SLC38A8: variants seen among roughly 807,000 people sequenced by gnomAD.
The protein encoded by SLC38A8 is solute carrier family 38 member 8.
In SLC38A8, 65 loss-of-function variants were observed where a neutral mutation model predicts 46.0. The observed-to-expected ratio is 1.41, with a 90% CI of 1.16 to 1.74. SLC38A8 has a LOEUF of 1.74. SLC38A8 is among the 40% of genes most tolerant of loss of function. SLC38A8 has a pLI of 0.00. For synonymous variants in SLC38A8, 447 were observed against 243.7 expected (o/e 1.83, Z -7.77); for missense variants, 998 against 567.9 (o/e 1.76, Z -7.70).
intron 9 of SLC38A8, among the ~76,000 whole-genome samples, 166 bp downstream of exon 9, chr16:84,016,353 C>T (rs1194772131): frequency 6.6e-6 from 1 of 152,274 alleles, no homozygotes; most frequent in South Asian, 2.1e-4. Flanking sequence ...GTATGTAAAG[C>T]CCAAGCCTGT....
At chr16:84,014,949 GC>G (rs2085007598) in intron 9 of SLC38A8, among the ~76,000 whole-genome samples, 1 of 151,964 alleles carries the variant, frequency 6.6e-6, no homozygotes, top group Admixed American at 6.6e-5. Flanking sequence ...TTCGTTTCAT[GC>G]CCCCATTCGA....
intron 6 of SLC38A8, among the ~76,000 whole-genome samples, chr16:84,025,793 G>C (rs1462776094): frequency 2.4e-4 from 36 of 152,230 alleles, no homozygotes; most frequent in Admixed American, 2.4e-3. Context: ...CCTCCCTCCG[G>C]CTTCCAGCCC....
At chr16:84,041,840 T>G in intron 2 of SLC38A8, 129 bp downstream of exon 2, 5 of 814,232 alleles carry the variant, frequency 6.1e-6, no homozygotes, top group Non-Finnish European at 9.6e-6. Context: ...CTGAGCGGGA[T>G]AGAAAATAAA....
intron 2 of SLC38A8, among the ~76,000 whole-genome samples, chr16:84,040,476 G>A (rs1407392413): frequency 6.6e-6 from 1 of 152,222 alleles, no homozygotes. Flanking sequence ...AGATCTGTGT[G>A]AAATGCCTGC....
chr16:84,040,343 T>C (rs182621988), intron 2 of SLC38A8, among the ~76,000 whole-genome samples: 2 of 152,220 alleles, frequency 1.3e-5, no homozygotes, highest in Non-Finnish European at 2.9e-5. Context: ...TCCTCAAGTC[T>C]GCTGAGTGAA....
chr16:84,025,326 T>C (rs1350027010), intron 6 of SLC38A8, among the ~76,000 whole-genome samples: 1 of 152,118 alleles, frequency 6.6e-6, no homozygotes, highest in Non-Finnish European at 1.5e-5. Context: ...CAGCTAGGTC[T>C]TCCCTCCGCG....
chr16:84,034,241 A>T (rs2085277708), intron 3 of SLC38A8, among the ~76,000 whole-genome samples: 1 of 152,272 alleles, frequency 6.6e-6, no homozygotes, highest in Admixed American at 6.5e-5. Flanking sequence ...CTTAAAGGCC[A>T]GACCCAGAAT....
At chr16:84,033,574 G>T in intron 3 of SLC38A8, 105 bp from the exon 4 acceptor site, 1 of 1,338,704 alleles carries the variant, frequency 7.5e-7, no homozygotes, top group Non-Finnish European at 1.0e-6. Flanking sequence ...TCCACCCTCA[G>T]CCAGCCCCAG....
chr16:84,035,134 T>G (rs1250051999), intron 3 of SLC38A8, among the ~76,000 whole-genome samples: 1 of 152,202 alleles, frequency 6.6e-6, no homozygotes, highest in Non-Finnish European at 1.5e-5. Flanking sequence ...CTCTGACTAG[T>G]CAGGGGGCTC....
At chr16:84,042,479 C>A (rs573613154) in intron 1 of SLC38A8, 72 bp downstream of exon 1, 5 of 240,856 alleles carry the variant, frequency 2.1e-5, no homozygotes, top group East Asian at 8.9e-5. Context: ...CCTCTCTCCC[C>A]CCATTCCCAT....
At chr16:84,039,426 A>G (rs2085342340) in intron 2 of SLC38A8, among the ~76,000 whole-genome samples, 1 of 152,170 alleles carries the variant, frequency 6.6e-6, no homozygotes, top group African/African-American at 2.4e-5. Context: ...TGACAAATGC[A>G]GACACTCATA....
chr16:84,042,412 A>C (rs2085378119), intron 1 of SLC38A8, among the ~76,000 whole-genome samples, 139 bp downstream of exon 1: 2 of 147,814 alleles, frequency 1.4e-5, no homozygotes, highest in South Asian at 2.2e-4. Flanking sequence ...AGGCAACCTC[A>C]CCCCTTCCCC....
chr16:84,012,297 T>TG (rs1370881207), intron 10 of SLC38A8, among the ~76,000 whole-genome samples: 3 of 152,168 alleles, frequency 2.0e-5, no homozygotes, highest in African/African-American at 7.2e-5. Flanking sequence ...TCCTCTTCCG[T>TG]GGGTCAGACT....
intron 10 of SLC38A8, among the ~76,000 whole-genome samples, chr16:84,011,117 C>T (rs756165473): frequency 5.9e-5 from 9 of 152,232 alleles, no homozygotes; most frequent in Non-Finnish European, 8.8e-5. Context: ...CATCTCAGCA[C>T]GGCTGTTCAG....
chr16:84,034,799 G>A (rs530766075), intron 3 of SLC38A8, among the ~76,000 whole-genome samples: 7 of 152,104 alleles, frequency 4.6e-5, no homozygotes, highest in South Asian at 2.1e-4. Flanking sequence ...TAGACCTCCA[G>A]GTGGCGTGGG....
At position 84,033,426 on chromosome 16, in the gene SLC38A8, C is replaced by T. The variant is rs758588764; in HGVS notation, c.432G>A (p.Pro144=). 2.0e-5 allele frequency: 32 copies of T among 1,612,280 alleles called. No homozygotes were observed. Among genetic ancestry groups the T allele is most frequent in the African/African-American group, 9.3e-5 (7 of 74,882 alleles). ...GGGTGAAGCGCTGGTCTGCGTACCACGGCTGCGGGGCGGGCGGGGTGCCAG... is the reference window on the plus strand; with the variant it reads ...GGGTGAAGCGCTGGTCTGCGTACCATGGCTGCGGGGCGGGCGGGGTGCCAG... ...LLSGTPPAPQ[P]WYADQRFTLP... Residue 144 remains proline (P), a synonymous_variant, in exon 4 of 11, where the codon CCG becomes CCA. Transcript: ENST00000299709.
chr16:84,019,968 G>T (rs1036975039), intron 7 of SLC38A8, among the ~76,000 whole-genome samples: 1 of 152,234 alleles, frequency 6.6e-6, no homozygotes, highest in Non-Finnish European at 1.5e-5. Context: ...CCACGTGTCT[G>T]TTCACAGGGG....
intron 6 of SLC38A8, among the ~76,000 whole-genome samples, chr16:84,028,252 G>C (rs932615855): frequency 1.3e-5 from 2 of 152,058 alleles, no homozygotes; most frequent in East Asian, 1.9e-4. Flanking sequence ...TGGATAGGTG[G>C]TTGTTTTTAG....
chr16:84,013,563 T>G (rs1229668856), intron 9 of SLC38A8, among the ~76,000 whole-genome samples: 3 of 150,944 alleles, frequency 2.0e-5, no homozygotes, highest in Non-Finnish European at 1.5e-5. Flanking sequence ...CCCGAGTAGC[T>G]GGGACTACAG....
Sources: gnomAD v4.1 joint callset for allele counts (sites outside exome capture counted in the v4.1 genomes callset) on GRCh38, gnomAD v4.1.1 for gene constraint, MANE v1.5 for transcripts, NCBI Gene and HGNC (gene_info 2026-07-23, HGNC 2026-07-21) for gene names.